The following JCAD variants were observed in gnomAD, a reference collection of about 807,000 sequenced individuals.
JCAD encodes junctional cadherin 5-associated protein.
A neutral mutation model predicts 98.0 loss-of-function variants in JCAD; 40 were observed. The observed-to-expected ratio is 0.41, with a 90% confidence interval of 0.32 to 0.53. JCAD has a LOEUF of 0.53. Ranked by LOEUF, JCAD falls within the 20% of genes least tolerant of loss-of-function variation. JCAD has a pLI of 0.31. For missense variants in JCAD, 1,705 were observed against 1,738.1 expected, an observed-to-expected ratio of 0.98 and a Z score of 0.34; for synonymous variants, 691 against 682.3, an observed-to-expected ratio of 1.01 and a Z score of -0.20.
chr10:30,082,055 C>T (rs912781176), intron 1 of JCAD, among the ~76,000 whole-genome samples: 2 of 152,090 alleles, frequency 1.3e-5, no homozygotes, highest in Non-Finnish European at 1.5e-5. Context: ...TTAAATATAT[C>T]GTTTACGTCT....
chr10:30,093,442 A>T (rs1412550563), intron 1 of JCAD, among the ~76,000 whole-genome samples: 1 of 152,244 alleles, frequency 6.6e-6, no homozygotes, highest in Non-Finnish European at 1.5e-5. Context: ...TTCAGTGCAC[A>T]TAAGCTGCCT....
intron 1 of JCAD, among the ~76,000 whole-genome samples, chr10:30,051,307 C>CACACACACACACAA (rs942139423): frequency 6.6e-6 from 1 of 151,568 alleles, no homozygotes; most frequent in African/African-American, 2.4e-5. Flanking sequence ...CACACACACA[C>CACACACACACACAA]AAGAGTTGAT....
intron 1 of JCAD, among the ~76,000 whole-genome samples, chr10:30,113,938 A>G (rs1838750224): frequency 6.6e-6 from 1 of 152,134 alleles, no homozygotes; most frequent in Non-Finnish European, 1.5e-5. Context: ...TTGATCTCCT[A>G]TCCTCAAATG....
chr10:30,024,810 C>T lies in JCAD; in HGVS notation c.4045+1293G>A, dbSNP rs370935211. ...TCCCAGGTTCACGCCATTCTCCTGC[C>T]TCAGCCTCTTGAGTAGCTGAGACTA... On this transcript the variant is annotated intron_variant, in intron 3 of 3. Coordinates refer to ENST00000375377, the MANE Select transcript of JCAD (RefSeq NM_020848.4). Among the ~76,000 whole-genome samples, 109 of 151,816 alleles carry T rather than the reference C, an allele frequency of 7.2e-4. 1 individual carries two copies. The highest frequency in any genetic ancestry group is 2.4e-3 in the African/African-American group (99 of 41,328).
At chr10:30,029,888 A>C (rs899184080) in intron 2 of JCAD, 22 bp from the exon 3 acceptor site, 1 of 1,597,322 alleles carries the variant, frequency 6.3e-7, no homozygotes, top group Admixed American at 1.7e-5. Context: ...AGAGTCACAG[A>C]CGTTAGGCAC....
Position 30,026,792 on chromosome 10 carries a change from C to T in JCAD, c.3356G>A (p.Cys1119Tyr), listed in dbSNP as rs1191204340. 6.2e-7 allele frequency: 1 copy of T among 1,613,974 alleles called. No individual in the cohort carries two copies. Among genetic ancestry groups the T allele is most frequent in the African/African-American group, 1.3e-5 (1 of 74,946 alleles). The change falls in exon 3 of 4, where the codon TGC (cysteine) becomes TAC (tyrosine). Residue 1119 changes from cysteine (C) to tyrosine (Y), a missense_variant. By Grantham distance (194) the Cys-to-Tyr change is radical (BLOSUM62 -2). This residue lies in a region of JCAD where 1,278 missense variants were observed against 1,243.1 expected (regional missense o/e 1.03). Coordinates refer to ENST00000375377, the MANE Select transcript of JCAD (RefSeq NM_020848.4). ...NQPAEPDASACTPESPQEELL... is the reference protein window; with the variant it reads ...NQPAEPDASAYTPESPQEELL... ...CTCTTCCTGGGGGGACTCTGGGGTG[C>T]AGGCACTTGCATCGGGCTCAGCAGG...
chr10:30,058,815 C>T (rs941172223), intron 1 of JCAD, among the ~76,000 whole-genome samples: 11 of 152,188 alleles, frequency 7.2e-5, no homozygotes, highest in Admixed American at 3.9e-4. Context: ...GCCCTTCTCC[C>T]ATCCCACGCG....
chr10:30,086,192 A>G (rs1311791620), intron 1 of JCAD, among the ~76,000 whole-genome samples: 1 of 152,202 alleles, frequency 6.6e-6, no homozygotes, highest in East Asian at 1.9e-4. Flanking sequence ...AAAGTACACT[A>G]TTGATTAACT....
rs1589683230 is a variant in JCAD at position 30,029,848 on chromosome 10, G to A, written c.300C>T (p.Pro100=). 4 of 1,613,702 alleles carry A rather than the reference G, an allele frequency of 2.5e-6. No homozygotes were observed. The highest frequency in any genetic ancestry group is 3.4e-6 in the Non-Finnish European group (4 of 1,179,888). ...TSEAGFCNQP[P]SAWSSHPPTG... The stretch of plus-strand genomic sequence containing the variant: ...TCGGGGGATGAGAGGACCATGCTGA[G>A]GGGGGTTGATTACAAAACCTACAAA... The change falls in exon 3 of 4, where the codon CCC becomes CCT. Residue 100 remains proline, a synonymous_variant. Coordinates refer to ENST00000375377, the MANE Select transcript of JCAD (RefSeq NM_020848.4).
upstream of JCAD, among the ~76,000 whole-genome samples, chr10:30,061,830 T>C (rs1266675937): frequency 1.3e-5 from 2 of 152,158 alleles, no homozygotes; most frequent in Non-Finnish European, 2.9e-5. Context: ...CAATGACTTA[T>C]AGAATTCCTG....
At position 30,039,162 on chromosome 10, in the gene JCAD, G is replaced by A. The variant is rs184166673; in HGVS notation, c.281+8370C>T. Among the ~76,000 whole-genome samples, 211 of 152,280 alleles carry A rather than the reference G, an allele frequency of 1.4e-3. 1 individual carries two copies. The highest frequency in any genetic ancestry group is 4.9e-3 in the African/African-American group (202 of 41,546). On this transcript the variant is annotated intron_variant, in intron 2 of 3. Coordinates refer to ENST00000375377, the MANE Select transcript of JCAD (RefSeq NM_020848.4). ...ACTCCCTAGAGGGCCAGATGCTGACGCCCCTCCCATGCTAGGATCCCACTG... is the reference window on the plus strand; with the variant it reads ...ACTCCCTAGAGGGCCAGATGCTGACACCCCTCCCATGCTAGGATCCCACTG...
intron 2 of JCAD, among the ~76,000 whole-genome samples, chr10:30,044,172 TGTG>T (rs1837291707): frequency 2.6e-5 from 4 of 152,186 alleles, no homozygotes; most frequent in Non-Finnish European, 5.9e-5. Flanking sequence ...CCTCTAGAAC[TGTG>T]AACTGATAAA....
chr10:30,075,228 G>A (rs1347727896), intron 1 of JCAD, among the ~76,000 whole-genome samples: 1 of 152,206 alleles, frequency 6.6e-6, no homozygotes, highest in Non-Finnish European at 1.5e-5. Context: ...GGTTGGAGTT[G>A]TCCTACTCTC....
At position 30,059,290 on chromosome 10, in the gene JCAD, C is replaced by A. The variant is rs1837652557; in HGVS notation, c.-60+192G>T. ...CCCGAGGCTGCCGGGCTAGGCACCGCGCGGGGGGCCCAGGCGGGGCTGCGA... is the reference window on the plus strand; with the variant it reads ...CCCGAGGCTGCCGGGCTAGGCACCGAGCGGGGGGCCCAGGCGGGGCTGCGA... On this transcript the variant is annotated intron_variant, in intron 1 of 3. Transcript: ENST00000375377. The surrounding 1 kb of genome is among the most constrained non-coding windows in gnomAD (Gnocchi z 5.0). Among the ~76,000 whole-genome samples, 1 of 151,104 alleles carries A rather than the reference C, an allele frequency of 6.6e-6. No individual in the cohort carries two copies. The highest frequency in any genetic ancestry group is 2.1e-4 in the South Asian group (1 of 4,814).
chr10:30,017,534 T>A lies in JCAD; in HGVS notation c.*349A>T. 2.7e-6 allele frequency: 1 copy of A among 364,658 alleles called. No homozygotes were observed. The highest frequency in any genetic ancestry group is 2.2e-5 in the African/African-American group (1 of 46,510). The allele number at this position is 364,658 out of a possible 1,614,324, so 22.6% of individuals were successfully genotyped here. A position where few individuals can be genotyped will look rare whatever the true frequency, so the allele number is the denominator to read the frequency against. On this transcript the variant is annotated 3_prime_UTR_variant, in exon 4 of 4. Transcript: ENST00000375377. ...AGGCCTTTCCAAAGCATTTGCTAGA[T>A]CTTCCACATTGAAATCTTCACCCAG...
rs58665379 is a variant in JCAD at position 30,089,513 on chromosome 10, CGTGTGT to C, written n.129-19698_129-19693del. ...GAGTGTGAAATGTGGATGCTTCTTC[CGTGTGT>C]GTGTGTGTGTGTGTGTGTGTGTGTG... On this transcript the variant is annotated intron_variant and non_coding_transcript_variant, in intron 1 of 2. Transcript: ENST00000465712. Among the ~76,000 whole-genome samples the C allele has an allele frequency of 5.7e-4, 81 of 143,022 alleles. 1 individual carries two copies. The highest frequency in any genetic ancestry group is 4.0e-3 in the South Asian group (17 of 4,292). 93.8% of individuals were successfully genotyped at this position (143,022 alleles called of 152,430 possible).
At chr10:30,108,296 G>C (rs1195964441) in intron 1 of JCAD, among the ~76,000 whole-genome samples, 1 of 148,526 alleles carries the variant, frequency 6.7e-6, no homozygotes, top group Admixed American at 6.9e-5. Flanking sequence ...TGGGTGACAA[G>C]AGCGAAACTC....
At chr10:30,083,161 A>AT (rs1303463156) in intron 1 of JCAD, among the ~76,000 whole-genome samples, 14 of 151,602 alleles carry the variant, frequency 9.2e-5, no homozygotes, top group African/African-American at 2.9e-4. Flanking sequence ...GTAATCTCTT[A>AT]TTTTTTTTTA....
At chr10:30,042,966 G>A (rs193042870) in intron 2 of JCAD, among the ~76,000 whole-genome samples, 1 of 152,310 alleles carries the variant, frequency 6.6e-6, no homozygotes, top group Non-Finnish European at 1.5e-5. Context: ...CCAGTCATAC[G>A]AATGATGGCC....
Sources: allele counts gnomAD v4.1 joint callset (sites outside exome capture counted in the v4.1 genomes callset), GRCh38; gene constraint gnomAD v4.1.1; regional missense constraint gnomAD v4.1.1; non-coding constraint Gnocchi (gnomAD v3.1); transcripts MANE v1.5; gene names NCBI Gene and HGNC (gene_info 2026-07-23, HGNC 2026-07-21).